The following PASK variants were observed in gnomAD, a reference collection of about 807,000 sequenced individuals.
The protein encoded by PASK is PAS domain containing serine/threonine kinase.
Under a neutral mutation model 121.0 loss-of-function variants are expected in PASK, and 110 were observed. The observed-to-expected ratio is 0.91, with a 90% CI of 0.78 to 1.06. The LOEUF (loss-of-function observed/expected upper bound fraction) is 1.06, where lower values mean the gene tolerates loss of function less well. PASK is among the 50% of genes least tolerant of loss of function. The pLI is 0.00. For missense variants in PASK, 1,643 were observed against 1,702.3 expected (o/e 0.97, Z 0.61); for synonymous variants, 686 against 717.8 (o/e 0.96, Z 0.71).
rs768175128 is a variant in PASK at position 241,112,452 on chromosome 2, G to C, written c.3334-13C>G. 3 of 1,580,124 alleles carry C rather than the reference G, an allele frequency of 1.9e-6. No individual in the cohort carries two copies. The highest frequency in any genetic ancestry group is 1.7e-6 in the Non-Finnish European group (2 of 1,154,282). ...CTGCTGACACTAGCTGGAATCAGGA[G>C]GCCAGAGGGGGCTTTTTAAAAAAGC... On this transcript the variant is annotated splice_polypyrimidine_tract_variant and intron_variant, in intron 14 of 17. Transcript: ENST00000234040. This position sits in a 1 kb window ranked among gnomAD's most constrained non-coding sequence, Gnocchi z 5.2.
chr2:241,123,879 G>A, intron 11 of PASK, 70 bp downstream of exon 11: 1 of 1,265,502 alleles, frequency 7.9e-7, no homozygotes, highest in South Asian at 1.2e-5. Context: ...AACAGAGAGA[G>A]ATGCCAACTA....
At chr2:241,117,372 G>C (rs1435458714) in intron 12 of PASK, among the ~76,000 whole-genome samples, 1 of 152,168 alleles carries the variant, frequency 6.6e-6, no homozygotes, top group African/African-American at 2.4e-5. Flanking sequence ...GCTGAGATGT[G>C]GCAGAGCTCC....
Position 241,126,555 on chromosome 2 carries a change from T to A in PASK, c.2360A>T (p.Gln787Leu). The change falls in exon 10 of 18, where the codon CAG becomes CTG. Residue 787 changes from glutamine to leucine, a missense_variant. Transcript: ENST00000234040. ...SDPDVGSLQE[Q>L]GSCVLDDREL... ...CCTGTCATCCAGGACACACGACCCC[T>A]GTTCCTGGAGACTGCCTACATCTGG... 3.1e-6 allele frequency: 5 copies of A among 1,614,216 alleles called. No individual in the cohort carries two copies. Among genetic ancestry groups the A allele is most frequent in the Non-Finnish European group, 2.5e-6 (3 of 1,180,008 alleles).
intron 12 of PASK, among the ~76,000 whole-genome samples, chr2:241,117,124 G>A (rs1414515339): frequency 6.6e-6 from 1 of 152,156 alleles, no homozygotes; most frequent in Non-Finnish European, 1.5e-5. Context: ...GGAGGGCATC[G>A]GGGCCAGGGC....
At chr2:241,146,199 A>T (rs568510827) in intron 1 of PASK, among the ~76,000 whole-genome samples, 53 of 152,346 alleles carry the variant, frequency 3.5e-4, no homozygotes, top group Non-Finnish European at 3.2e-4. Context: ...TGTTATACCT[A>T]CTAAGTCAGC....
chr2:241,137,838 G>T, intron 6 of PASK, 115 bp downstream of exon 6: 1 of 1,137,166 alleles, frequency 8.8e-7, no homozygotes, highest in Non-Finnish European at 1.3e-6. Flanking sequence ...AACTGAGCAT[G>T]TCCCACCCCT....
In PASK at chr2:241,142,950, C is replaced by A. The variant is rs2066776248; in HGVS notation, c.83G>T (p.Gly28Val). ...CTCAGCAGTGGTCTGTGCAGCTGGG[C>A]CCTCTGCTGACACTGGCAAGGGGAG... is the stretch of plus-strand genomic sequence containing the variant. ...QSLPLPVSAE[G>V]PAAQTTAEPS... is the part of the protein sequence containing the mutation. Residue 28 changes from glycine (G) to valine (V), a missense_variant, in exon 2 of 18, where the codon GGC becomes GTC. Around this residue, in one of 3 missense-constraint regions of PASK, gnomAD observed 1,176 missense variants for 1,162.2 expected, o/e 1.01. Coordinates refer to ENST00000234040, the MANE Select transcript of PASK (RefSeq NM_015148.4). 7 of 1,613,578 alleles carry A rather than the reference C, an allele frequency of 4.3e-6. No homozygotes were observed. Among genetic ancestry groups the A allele is most frequent in the Non-Finnish European group, 5.9e-6 (7 of 1,179,532 alleles).
At chr2:241,117,799 G>C (rs535965137) in intron 12 of PASK, among the ~76,000 whole-genome samples, 29 of 152,248 alleles carry the variant, frequency 1.9e-4, no homozygotes, top group African/African-American at 6.7e-4. Context: ...TAAAATATGA[G>C]AGAAAAATAA....
intron 9 of PASK, among the ~76,000 whole-genome samples, chr2:241,130,010 G>A (rs1236779151): frequency 6.6e-6 from 1 of 152,114 alleles, no homozygotes; most frequent in East Asian, 1.9e-4. Flanking sequence ...AGGATTACCA[G>A]GAGAACTAAA....
In PASK at chr2:241,115,054, T is replaced by C. The variant is rs772254456; in HGVS notation, c.3322A>G (p.Ile1108Val). The change falls in exon 14 of 18, where the codon ATC becomes GTC. Residue 1108 changes from isoleucine to valine, a missense_variant. Coordinates refer to ENST00000234040, the MANE Select transcript of PASK (RefSeq NM_015148.4). The stretch of plus-strand genomic sequence containing the variant: ...TGGCCTGCTCTCACTTGTCGGAAGA[T>C]GTAGCTCGCCAGGGGCTCATCCAGC... ...PRLDEPLASY[I>V]FRQLVSAVGY... 1.9e-6 allele frequency: 3 copies of C among 1,614,130 alleles called. No homozygotes were observed. The highest frequency in any genetic ancestry group is 2.2e-5 in the South Asian group (2 of 91,080).
At position 241,113,144 on chromosome 2, in the gene PASK, T is replaced by G. The variant is rs1227651519; in HGVS notation, c.3334-705A>C. On this transcript the variant is annotated intron_variant, in intron 14 of 17. Transcript: ENST00000234040. ...AGGCCAGCAACATCGGCCTTTCAGT[T>G]TAGCTCAACTAGGATGAATTAAACG... Among the ~76,000 whole-genome samples, 4 of 152,254 alleles carry G rather than the reference T, an allele frequency of 2.6e-5. No individual in the cohort carries two copies. The South Asian group carries it at 8.3e-4, about 31-fold the overall frequency.
intron 2 of PASK, among the ~76,000 whole-genome samples, chr2:241,141,214 G>A (rs541039960): frequency 1.3e-5 from 2 of 152,178 alleles, no homozygotes; most frequent in Non-Finnish European, 2.9e-5. Context: ...CTGAGCCCAG[G>A]AGTTTGAGAC....
rs199503351 is a variant in PASK at position 241,107,368 on chromosome 2, G to A, written c.3799C>T (p.Arg1267Ter). ...GAAGCCTCACCTGGCTTGTTTACTC[G>A]AAACACCTCTTCCCATGTATAGTCA... Reference protein sequence around the residue: ...LADYTWEEVFRVNKPESGVLS... With the variant: ...LADYTWEEVF The change falls in exon 17 of 18, where the codon CGA (arginine) becomes TGA (stop). Residue 1267 changes from arginine to a stop codon, truncating the protein, a stop_gained. Transcript: ENST00000234040. LOFTEE classifies it low-confidence loss of function (END_TRUNC). The A allele has an allele frequency of 9.0e-5, 145 of 1,613,828 alleles. No individual in the cohort carries two copies. In the East Asian group the frequency reaches 2.5e-3, roughly 27 times the overall value.
chr2:241,140,453 A>G lies in PASK; in HGVS notation c.429+68T>C. 4 of 1,155,276 alleles carry G rather than the reference A, an allele frequency of 3.5e-6. No individual in the cohort carries two copies. The East Asian group carries it at 7.5e-5, about 22-fold the overall frequency. 71.6% of individuals were successfully genotyped at this position (1,155,276 alleles called of 1,614,324 possible). A position where few individuals can be genotyped will look rare whatever the true frequency, so the allele number is the denominator to read the frequency against. On this transcript the variant is annotated intron_variant, in intron 3 of 17. Transcript: ENST00000234040. ...TTTCTAATTGCATTAAAACACACAA[A>G]TCCCAGGTTTAAGGCACAAACCACA...
Position 241,106,551 on chromosome 2 carries a change from G to C in PASK, c.*15C>G, listed in dbSNP as rs558228496. ...TTTCCAAACCAAGTGGAGAAAAGCA[G>C]GAAGAAATTGGTGTTTAGCTGGTCA... On this transcript the variant is annotated 3_prime_UTR_variant, in exon 18 of 18. Coordinates refer to ENST00000234040, the MANE Select transcript of PASK (RefSeq NM_015148.4). 7 of 1,613,796 alleles carry C rather than the reference G, an allele frequency of 4.3e-6. No homozygotes were observed. In the South Asian group the frequency reaches 6.6e-5, roughly 15 times the overall value.
chr2:241,114,375 A>C, intron 14 of PASK: 1 of 986,234 alleles, frequency 1.0e-6, no homozygotes, highest in Non-Finnish European at 1.2e-6. Context: ...TGAGTTGTCT[A>C]CACAGCCCTT....
intron 10 of PASK, among the ~76,000 whole-genome samples, chr2:241,124,508 A>G (rs1303108907): frequency 6.6e-6 from 1 of 152,224 alleles, no homozygotes; most frequent in African/African-American, 2.4e-5. Context: ...TGCCCTACAC[A>G]CGGTGGGTCT....
intron 12 of PASK, among the ~76,000 whole-genome samples, chr2:241,116,427 G>A (rs955319957): frequency 2.0e-5 from 3 of 152,218 alleles, no homozygotes; most frequent in Non-Finnish European, 4.4e-5. Flanking sequence ...ACCTGGGCTG[G>A]AGAGAGGGCC....
At chr2:241,110,848 C>T (rs755541958) in intron 15 of PASK, among the ~76,000 whole-genome samples, 3 of 152,348 alleles carry the variant, frequency 2.0e-5, no homozygotes, top group South Asian at 4.1e-4. Context: ...GGAAACTCCA[C>T]GGCCCTTCTT....
Sources: gnomAD v4.1 joint callset for allele counts (sites outside exome capture counted in the v4.1 genomes callset) on GRCh38, gnomAD v4.1.1 for gene constraint, gnomAD v4.1.1 regional missense constraint, Gnocchi (gnomAD v3.1) non-coding constraint, MANE v1.5 for transcripts, NCBI Gene and HGNC (gene_info 2026-07-23, HGNC 2026-07-21) for gene names.